The following NEDD4L variants were observed in gnomAD, a reference collection of about 807,000 sequenced individuals.
NEDD4L encodes E3 ubiquitin-protein ligase NEDD4-like.
A neutral mutation model predicts 148.9 loss-of-function variants in NEDD4L; 54 were observed. The observed-to-expected ratio is 0.36, with a 90% confidence interval of 0.29 to 0.45. The LOEUF is 0.45. Ranked by LOEUF, NEDD4L falls within the 20% of genes least tolerant of loss-of-function variation. The pLI is 1.00. For synonymous variants in NEDD4L, 433 were observed against 440.7 expected, an observed-to-expected ratio of 0.98 and a Z score of 0.22; for missense variants, 856 against 1,233.8, an observed-to-expected ratio of 0.69 and a Z score of 4.59.
chr18:58,325,024 A>G lies in NEDD4L; in HGVS notation c.542A>G (p.Asp181Gly). ...EHGWEVVDSN[D>G]SASQHQEELP... ...GGATGGGAAGTTGTTGACTCAAATG[A>G]CTCGGCTTCTCAGCACCAAGAGGAA... Residue 181 changes from aspartate (D) to glycine (G), a missense_variant, in exon 9 of 31, where the codon GAC becomes GGC. Asp to Gly is a moderately conservative substitution (Grantham distance 94). Coordinates refer to ENST00000400345, the MANE Select transcript of NEDD4L (RefSeq NM_001144967.3). The G allele has an allele frequency of 6.2e-7, 1 of 1,613,798 alleles. No homozygotes were observed. The highest frequency in any genetic ancestry group is 8.5e-7 in the Non-Finnish European group (1 of 1,179,822).
intron 1 of NEDD4L, among the ~76,000 whole-genome samples, chr18:58,145,936 GT>G (rs1358185618): frequency 6.6e-6 from 1 of 152,066 alleles, no homozygotes; most frequent in African/African-American, 2.4e-5. Flanking sequence ...GCTTGAGGAT[GT>G]TTTTCACAGT....
intron 1 of NEDD4L, among the ~76,000 whole-genome samples, chr18:58,048,338 A>G (rs2081687265): frequency 6.6e-6 from 1 of 152,166 alleles, no homozygotes; most frequent in African/African-American, 2.4e-5. Context: ...TATGCTTTTC[A>G]GTTTAAGATG....
chr18:58,063,949 C>CTTTTTTTTTTT (rs58608106), intron 1 of NEDD4L, among the ~76,000 whole-genome samples: 4 of 129,826 alleles, frequency 3.1e-5, no homozygotes, highest in Non-Finnish European at 6.5e-5. Context: ...TATAATGTTT[C>CTTTTTTTTTTT]TTTTTTTTTT....
At position 58,387,435 on chromosome 18, in the gene NEDD4L, TCAGGG is replaced by T; in HGVS notation, c.2488-3_2489del. The T allele has an allele frequency of 1.1e-5, 17 of 1,539,404 alleles. No individual in the cohort carries two copies. Among genetic ancestry groups the T allele is most frequent in the African/African-American group, 4.2e-5 (3 of 71,996 alleles). On this transcript the variant is annotated splice_acceptor_variant and splice_polypyrimidine_tract_variant and coding_sequence_variant and intron_variant, in exon 27 of 31. Coordinates refer to ENST00000400345, the MANE Select transcript of NEDD4L (RefSeq NM_001144967.3). LOFTEE classifies it high-confidence loss of function. ...GTTTAAGATGTTTTTTTTTTTTCTT[TCAGGG>T]ATTCACAGAACTACTTCCTATTGAT... is the stretch of plus-strand genomic sequence containing the variant.
At position 58,224,442 on chromosome 18, in the gene NEDD4L, T is replaced by C. The variant is rs542369456; in HGVS notation, c.123-20985T>C. Among the ~76,000 whole-genome samples the C allele has an allele frequency of 2.6e-3, 400 of 152,282 alleles. 2 individuals carry two copies. The highest frequency in any genetic ancestry group is 7.0e-3 in the Admixed American group (107 of 15,286). On this transcript the variant is annotated intron_variant, in intron 2 of 30. Transcript: ENST00000400345. Reference sequence around the variant, plus strand: ...TGACAGGCTTGACACTGGAAGGAAGTCTCTAACTTCATTAGAGGAAATGGC... The same window carrying C: ...TGACAGGCTTGACACTGGAAGGAAGCCTCTAACTTCATTAGAGGAAATGGC...
chr18:58,134,707 T>C (rs1287102629), intron 1 of NEDD4L, among the ~76,000 whole-genome samples: 1 of 152,152 alleles, frequency 6.6e-6, no homozygotes, highest in Non-Finnish European at 1.5e-5. Context: ...CAGAATTTCT[T>C]TTCTTTTTTC....
intron 5 of NEDD4L, among the ~76,000 whole-genome samples, chr18:58,260,930 T>C (rs1444241521): frequency 6.6e-6 from 1 of 152,200 alleles, no homozygotes; most frequent in African/African-American, 2.4e-5. Flanking sequence ...AATTTGAGGA[T>C]AAAAATGTCC....
chr18:58,346,174 G>A (rs534872030), intron 16 of NEDD4L, among the ~76,000 whole-genome samples: 32 of 152,104 alleles, frequency 2.1e-4, no homozygotes, highest in Non-Finnish European at 4.0e-4. Flanking sequence ...TACCAAGGAG[G>A]GATGTTCCAT....
intron 5 of NEDD4L, among the ~76,000 whole-genome samples, chr18:58,291,620 A>G (rs1199987652): frequency 6.6e-6 from 1 of 152,184 alleles, no homozygotes; most frequent in African/African-American, 2.4e-5. Flanking sequence ...CCTGTAAGAC[A>G]ATCTTTGCCT....
intron 5 of NEDD4L, 34 bp from the exon 6 acceptor site, chr18:58,315,948 T>C (rs773445999): frequency 6.3e-7 from 1 of 1,576,624 alleles, no homozygotes; most frequent in South Asian, 1.1e-5. Context: ...AGTGAAGAAA[T>C]GGAAACACTA....
chr18:58,388,784 C>A (rs1356995304), intron 27 of NEDD4L: 5 of 362,780 alleles, frequency 1.4e-5, no homozygotes, highest in Non-Finnish European at 2.6e-5. Context: ...TGAGAGAATC[C>A]ACAGGTCCCA....
rs370059792 is a variant in NEDD4L at position 58,210,153 on chromosome 18, C to T, written c.123-35274C>T. Among the ~76,000 whole-genome samples, 19 of 151,970 alleles carry T rather than the reference C, an allele frequency of 1.3e-4. No individual in the cohort carries two copies. The East Asian group carries it at 2.3e-3, about 19-fold the overall frequency. On this transcript the variant is annotated intron_variant, in intron 2 of 30. Transcript: ENST00000400345. ...TGCACTCCAGCCTGGGCAAGAAAAG[C>T]GACACTTCGTCTCAACATCAACAAC...
intron 2 of NEDD4L, among the ~76,000 whole-genome samples, chr18:58,176,189 T>TTC (rs1278906535): frequency 3.9e-5 from 6 of 152,016 alleles, no homozygotes; most frequent in African/African-American, 1.5e-4. Flanking sequence ...ACTGCTTTCT[T>TTC]TCTCTCTCTC....
chr18:58,281,268 G>A (rs1026488338), intron 5 of NEDD4L, among the ~76,000 whole-genome samples: 7 of 150,966 alleles, frequency 4.6e-5, no homozygotes, highest in Non-Finnish European at 7.4e-5. Flanking sequence ...GTAAGCTGCT[G>A]TAAGCTGCTG....
intron 1 of NEDD4L, among the ~76,000 whole-genome samples, chr18:58,115,718 A>G (rs1340176481): frequency 1.3e-4 from 20 of 152,166 alleles, no homozygotes; most frequent in Non-Finnish European, 2.6e-4. Flanking sequence ...TTGCGTGGCA[A>G]TGCCGTGGGG....
At chr18:58,103,262 TATATA>T (rs2084876022) in intron 1 of NEDD4L, among the ~76,000 whole-genome samples, 1 of 134,294 alleles carries the variant, frequency 7.4e-6, no homozygotes, top group African/African-American at 3.6e-5. Context: ...GTGGATATAT[TATATA>T]TTATAATTAT....
rs376460742 is a variant in NEDD4L, at chr18:58,223,688, A to C, written c.123-21739A>C. ...ATGTGCTTTGAGTTAAATATGATGTAGTGTGCTAGTAACATAGACGGGGCT... is the reference window on the plus strand; with the variant it reads ...ATGTGCTTTGAGTTAAATATGATGTCGTGTGCTAGTAACATAGACGGGGCT... On this transcript the variant is annotated intron_variant, in intron 2 of 30. Coordinates refer to ENST00000400345, the MANE Select transcript of NEDD4L (RefSeq NM_001144967.3). Among the ~76,000 whole-genome samples the C allele has an allele frequency of 4.1e-4, 62 of 152,298 alleles. No individual in the cohort carries two copies. The South Asian group carries it at 0.013, about 32-fold the overall frequency.
At chr18:58,242,765 C>T (rs969606355) in intron 2 of NEDD4L, among the ~76,000 whole-genome samples, 3 of 152,186 alleles carry the variant, frequency 2.0e-5, no homozygotes, top group African/African-American at 7.2e-5. Flanking sequence ...CTCAGCCTCC[C>T]AAATGGTTGG....
rs1212806027 is a variant in NEDD4L, at chr18:58,350,975, C to T, written c.1654-16C>T. ...ATGTTTATATTTTCTCTCTCCCTTC[C>T]TTCCCCGGATACTAGCCTGGCTGGG... On this transcript the variant is annotated splice_polypyrimidine_tract_variant and intron_variant, in intron 17 of 30. Coordinates refer to ENST00000400345, the MANE Select transcript of NEDD4L (RefSeq NM_001144967.3). 4 of 1,577,272 alleles carry T rather than the reference C, an allele frequency of 2.5e-6. No homozygotes were observed. Among genetic ancestry groups the T allele is most frequent in the Non-Finnish European group, 3.5e-6 (4 of 1,159,292 alleles).
Sources: allele counts gnomAD v4.1 joint callset (sites outside exome capture counted in the v4.1 genomes callset), GRCh38; gene constraint gnomAD v4.1.1; transcripts MANE v1.5; gene names NCBI Gene and HGNC (gene_info 2026-07-23, HGNC 2026-07-21).